RGS20: variants seen among roughly 807,000 people sequenced by gnomAD.
The protein encoded by RGS20 is gz-selective GTPase-activating protein.
A neutral mutation model predicts 33.6 loss-of-function variants in RGS20; 30 were observed. The ratio of observed to expected loss-of-function variants is 0.89; its 90% CI spans 0.67 to 1.21. The LOEUF (loss-of-function observed/expected upper bound fraction) is 1.21. RGS20 is among the 50% of genes most tolerant of loss of function. The pLI is 0.00. For synonymous variants in RGS20, 208 were observed against 197.9 expected (o/e 1.05, Z -0.43); for missense variants, 472 against 502.4 (o/e 0.94, Z 0.58).
At chr8:53,860,980 AG>A in intron 1 of RGS20, among the ~76,000 whole-genome samples, 1 of 152,082 alleles carries the variant, frequency 6.6e-6, no homozygotes. Context: ...AAAAAAAAAA[AG>A]ATCAATCAGC....
In RGS20 at chr8:53,889,504, C is replaced by T. The variant is rs144164229; in HGVS notation, c.510+9902C>T. On this transcript the variant is annotated intron_variant, in intron 2 of 5. Coordinates refer to ENST00000297313, the MANE Select transcript of RGS20 (RefSeq NM_170587.4). Reference sequence around the variant, plus strand: ...GCTGGAAGGCAGTGGCACAATTAGCCGTGAAGCTGAGACTATAGGTGTCCA... The same window carrying T: ...GCTGGAAGGCAGTGGCACAATTAGCTGTGAAGCTGAGACTATAGGTGTCCA... 7.0e-3 allele frequency among the ~76,000 whole-genome samples: 906 copies of T among 130,168 alleles called. 4 individuals are homozygous for T. The highest frequency in any genetic ancestry group is 0.025 in the African/African-American group (865 of 34,856). The allele number at this position is 130,168 out of a possible 152,430, so 85.4% of individuals were successfully genotyped here. A position where few individuals can be genotyped will look rare whatever the true frequency, so the allele number is the denominator to read the frequency against.
intron 2 of RGS20, among the ~76,000 whole-genome samples, chr8:53,899,431 A>G (rs145388593): frequency 6.6e-6 from 1 of 152,350 alleles, no homozygotes; most frequent in African/African-American, 2.4e-5. Context: ...TGCTGCCTTT[A>G]AGGTAAATTA....
At position 53,958,325 on chromosome 8, in the gene RGS20, C is replaced by G; in HGVS notation, c.1034C>G (p.Ser345Cys). ...ATCAACAGAAACATGGTGGAGCCAT[C>G]CCAACACATATTCGATGATGCTCAA... Residue 345 changes from serine (S) to cysteine (C), a missense_variant, in exon 6 of 6, where the codon TCC becomes TGC. Ser to Cys is a moderately radical substitution (Grantham distance 112). Around this residue, in one of 3 missense-constraint regions of RGS20, gnomAD observed 125 missense variants for 169.5 expected, o/e 0.74. Coordinates refer to ENST00000297313, the MANE Select transcript of RGS20 (RefSeq NM_170587.4). The G allele has an allele frequency of 6.2e-7, 1 of 1,613,718 alleles. No homozygotes were observed. The highest frequency in any genetic ancestry group is 8.5e-7 in the Non-Finnish European group (1 of 1,179,862).
chr8:53,911,459 T>C (rs534351375), intron 2 of RGS20, among the ~76,000 whole-genome samples: 1 of 152,168 alleles, frequency 6.6e-6, no homozygotes, highest in Non-Finnish European at 1.5e-5. Context: ...GGATCAAGAC[T>C]TTTTTACACA....
chr8:53,889,433 T>C (rs1157314545), intron 2 of RGS20, among the ~76,000 whole-genome samples: 12 of 122,204 alleles, frequency 9.8e-5, no homozygotes, highest in East Asian at 4.7e-4. Context: ...TTTTTTTTTT[T>C]TTTTTTTTTT....
intron 2 of RGS20, among the ~76,000 whole-genome samples, chr8:53,882,787 C>T (rs539720517): frequency 6.6e-6 from 1 of 152,136 alleles, no homozygotes; most frequent in African/African-American, 2.4e-5. Context: ...CACTGGCTAG[C>T]GGAATTAGGC....
At chr8:53,946,121 T>C (rs900377239) in intron 3 of RGS20, among the ~76,000 whole-genome samples, 2 of 152,254 alleles carry the variant, frequency 1.3e-5, no homozygotes, top group Non-Finnish European at 2.9e-5. Flanking sequence ...AGCCTCCATT[T>C]TGACTGGAAA....
At chr8:53,929,176 A>C (rs935906791) in intron 2 of RGS20, among the ~76,000 whole-genome samples, 8 of 152,254 alleles carry the variant, frequency 5.3e-5, no homozygotes, top group Admixed American at 5.2e-4. Context: ...GAAATTCTCA[A>C]GAAGCAGGGT....
At chr8:53,903,424 GA>G (rs1813084789) in intron 2 of RGS20, among the ~76,000 whole-genome samples, 1 of 152,182 alleles carries the variant, frequency 6.6e-6, no homozygotes, top group Non-Finnish European at 1.5e-5. Context: ...ACACAGTCCT[GA>G]AATTAATTTT....
At chr8:53,949,689 C>T (rs1814655373) in intron 4 of RGS20, among the ~76,000 whole-genome samples, 1 of 151,670 alleles carries the variant, frequency 6.6e-6, no homozygotes, top group South Asian at 2.1e-4. Flanking sequence ...TGCACCCCAG[C>T]CTAGGAGACA....
intron 1 of RGS20, among the ~76,000 whole-genome samples, chr8:53,857,925 A>C (rs1175555240): frequency 6.6e-6 from 1 of 152,212 alleles, no homozygotes; most frequent in Non-Finnish European, 1.5e-5. Context: ...GAGATGATGG[A>C]TATGTTAGCT....
At chr8:53,875,447 A>C (rs527801230) in intron 1 of RGS20, among the ~76,000 whole-genome samples, 4 of 147,906 alleles carry the variant, frequency 2.7e-5, no homozygotes, top group Non-Finnish European at 4.4e-5. Context: ...AAAAAAAAAA[A>C]AAACCAAAAA....
chr8:53,946,547 A>G, intron 3 of RGS20, 118 bp from the exon 3 acceptor site: 3 of 890,992 alleles, frequency 3.4e-6, no homozygotes, highest in Non-Finnish European at 5.6e-6. Context: ...TTTTTTTCCA[A>G]GTAGAGGAAG....
In RGS20 at chr8:53,957,823, T is replaced by C. The variant is rs117582237; in HGVS notation, c.979-447T>C. ...GTTTCTCTTTGGCAGTTTGGATTTT[T>C]TGGATGATCTTGTTTGGTTTGGGAT... On this transcript the variant is annotated intron_variant, in intron 5 of 5. Transcript: ENST00000297313. Among the ~76,000 whole-genome samples the C allele has an allele frequency of 6.2e-3, 940 of 152,250 alleles. 5 individuals carry two copies. The highest frequency in any genetic ancestry group is 8.9e-3 in the South Asian group (43 of 4,820).
intron 2 of RGS20, among the ~76,000 whole-genome samples, chr8:53,899,009 A>T (rs1405512868): frequency 6.6e-6 from 1 of 152,210 alleles, no homozygotes; most frequent in Admixed American, 6.5e-5. Flanking sequence ...GTTCAAATAC[A>T]TATTAAAATT....
intron 2 of RGS20, among the ~76,000 whole-genome samples, chr8:53,886,528 G>A (rs544018972): frequency 6.6e-6 from 1 of 152,292 alleles, no homozygotes; most frequent in East Asian, 1.9e-4. Context: ...TCAATTTCTA[G>A]TTACGCATTT....
intron 1 of RGS20, among the ~76,000 whole-genome samples, chr8:53,861,616 T>C (rs1429285583): frequency 6.6e-6 from 1 of 152,228 alleles, no homozygotes; most frequent in Non-Finnish European, 1.5e-5. Flanking sequence ...CTGTGACCAT[T>C]TGCCCAGAGG....
chr8:53,909,554 C>T (rs80076933), intron 2 of RGS20, among the ~76,000 whole-genome samples: 5,875 of 151,744 alleles, frequency 0.039, 312 homozygotes, highest in African/African-American at 0.13. Context: ...ACACCCAGCC[C>T]CTTATGCTAT....
At chr8:53,953,826 A>G (rs1814781300) in intron 4 of RGS20, among the ~76,000 whole-genome samples, 1 of 152,214 alleles carries the variant, frequency 6.6e-6, no homozygotes, top group Admixed American at 6.5e-5. Flanking sequence ...GCATGTTCTT[A>G]GCATTTATTC....
Sources: gnomAD v4.1 joint callset for allele counts (sites outside exome capture counted in the v4.1 genomes callset) on GRCh38, gnomAD v4.1.1 for gene constraint, gnomAD v4.1.1 regional missense constraint, MANE v1.5 for transcripts, NCBI Gene and HGNC (gene_info 2026-07-23, HGNC 2026-07-21) for gene names.